SYTL2: variants seen among roughly 807,000 people sequenced by gnomAD.
The protein encoded by SYTL2 is synaptotagmin-like protein 2.
Under a neutral mutation model 198.7 loss-of-function variants are expected in SYTL2, and 165 were observed. The observed-to-expected ratio is 0.83, with a 90% CI of 0.73 to 0.94. The LOEUF (loss-of-function observed/expected upper bound fraction) is 0.94. Among genes scored for constraint, SYTL2 ranks in the 40% least tolerant of loss-of-function variants. The pLI, the probability that SYTL2 is intolerant of heterozygous loss-of-function variation, is 0.00. For synonymous variants in SYTL2, 966 were observed against 917.7 expected, an observed-to-expected ratio of 1.05 and a Z score of -0.95; for missense variants, 2,835 against 2,582.8, an observed-to-expected ratio of 1.10 and a Z score of -2.12.
At chr11:85,850,726 C>T in the SYTL2 span, among the ~76,000 whole-genome samples, 10 of 150,764 alleles carry the variant, frequency 6.6e-5, no homozygotes, top group African/African-American at 2.0e-4. Flanking sequence ...CACATGCACA[C>T]GTATGTTTAT....
chr11:85,700,285 A>G (rs1425723517), intron 17 of SYTL2, among the ~76,000 whole-genome samples: 1 of 151,612 alleles, frequency 6.6e-6, no homozygotes, highest in African/African-American at 2.4e-5. Flanking sequence ...TAAGCTGTAC[A>G]GTTAAAAATG....
At chr11:85,825,345 G>A in the SYTL2 span, among the ~76,000 whole-genome samples, 2 of 136,082 alleles carry the variant, frequency 1.5e-5, no homozygotes, top group Non-Finnish European at 1.5e-5. Context: ...CCGAGATCCC[G>A]CCACTGCACT....
intron 3 of SYTL2, among the ~76,000 whole-genome samples, chr11:85,746,886 A>G (rs1421759769): frequency 6.6e-6 from 1 of 152,208 alleles, no homozygotes; most frequent in Admixed American, 6.5e-5. Context: ...CAATTACATA[A>G]TCTCGGGCAA....
intron 1 of SYTL2, among the ~76,000 whole-genome samples, chr11:85,791,512 T>C (rs1357981759): frequency 6.6e-6 from 1 of 152,196 alleles, no homozygotes; most frequent in Non-Finnish European, 1.5e-5. Context: ...ATCTCATCCA[T>C]ATAATGAGGA....
chr11:85,700,092 T>C (rs777163394), intron 17 of SYTL2, among the ~76,000 whole-genome samples: 1 of 151,488 alleles, frequency 6.6e-6, no homozygotes, highest in East Asian at 1.9e-4. Context: ...CTAATGACTA[T>C]AAACTAAACT....
Position 85,726,135 on chromosome 11 carries a change from T to C in SYTL2, c.3223A>G (p.Arg1075Gly), listed in dbSNP as rs760235816. 4.2e-5 allele frequency: 67 copies of C among 1,614,030 alleles called. No individual in the cohort carries two copies. Among genetic ancestry groups the C allele is most frequent in the Middle Eastern group, 3.3e-4 (2 of 6,084 alleles). The stretch of plus-strand genomic sequence containing the variant: ...CCTGGCAACTGATAAGTATACTTTC[T>C]AAGTGGACTCAAAGGAAATGTGATT... ...DEITFPLSPL[R>G]KYTYQLPGNE... The change falls in exon 8 of 20, where the codon AGA becomes GGA. Residue 1075 changes from arginine to glycine, a missense_variant. Physicochemically the swap from Arg to Gly is moderately radical, Grantham distance 125 (BLOSUM62 -2). Around this residue, in one of 3 missense-constraint regions of SYTL2, gnomAD observed 2,645 missense variants for 2,381.7 expected, o/e 1.11. Coordinates refer to ENST00000359152, the MANE Select transcript of SYTL2 (RefSeq NM_206927.4).
At chr11:85,704,085 TA>T (rs1479012039) in intron 16 of SYTL2, among the ~76,000 whole-genome samples, 1 of 152,058 alleles carries the variant, frequency 6.6e-6, no homozygotes, top group Non-Finnish European at 1.5e-5. Flanking sequence ...GCAAATGGAC[TA>T]GATAATCCAA....
intron 1 of SYTL2, among the ~76,000 whole-genome samples, chr11:85,793,838 C>T (rs2092765943): frequency 6.6e-6 from 1 of 152,202 alleles, no homozygotes; most frequent in South Asian, 2.1e-4. Context: ...TGCATTTCCA[C>T]ATTGTTTTAG....
At chr11:85,707,092 G>A (rs1056925446) in intron 15 of SYTL2, among the ~76,000 whole-genome samples, 2 of 151,976 alleles carry the variant, frequency 1.3e-5, no homozygotes, top group East Asian at 1.9e-4. Context: ...CACCCACCTC[G>A]GCCTCCCAAA....
At chr11:85,778,919 G>A (rs541876560) in intron 1 of SYTL2, among the ~76,000 whole-genome samples, 6 of 152,182 alleles carry the variant, frequency 3.9e-5, no homozygotes, top group South Asian at 2.1e-4. Context: ...CAGAGGTTGC[G>A]GTGAGAGGAG....
chr11:85,816,647 C>T, the SYTL2 span, among the ~76,000 whole-genome samples: 16 of 152,134 alleles, frequency 1.1e-4, no homozygotes, highest in Non-Finnish European at 1.8e-4. Flanking sequence ...CAGTGGCTCA[C>T]GCCTGTAATA....
chr11:85,694,966 T>C lies in SYTL2; in HGVS notation c.*229A>G. ...GCAGAAATTCAATTTTCCTAGCTTG[T>C]TCAAATATCTTATTTAATATTAGAG... On this transcript the variant is annotated 3_prime_UTR_variant, in exon 20 of 20. Coordinates refer to ENST00000359152, the MANE Select transcript of SYTL2 (RefSeq NM_206927.4). 2.8e-6 allele frequency: 1 copy of C among 363,620 alleles called. No homozygotes were observed. Among genetic ancestry groups the C allele is most frequent in the Non-Finnish European group, 4.9e-6 (1 of 205,610 alleles). 22.5% of individuals were successfully genotyped at this position (363,620 alleles called of 1,614,324 possible).
At chr11:85,730,000 G>T (rs1318839469) in intron 7 of SYTL2, among the ~76,000 whole-genome samples, 1 of 152,114 alleles carries the variant, frequency 6.6e-6, no homozygotes, top group Admixed American at 6.5e-5. Flanking sequence ...TAGAAGAAAT[G>T]GATAAATTCC....
Position 85,725,976 on chromosome 11 carries a change from A to C in SYTL2, c.3382T>G (p.Cys1128Gly). Residue 1128 changes from cysteine to glycine, a missense_variant, in exon 8 of 20, where the codon TGC becomes GGC. Around this residue, in one of 3 missense-constraint regions of SYTL2, gnomAD observed 2,645 missense variants for 2,381.7 expected, o/e 1.11. Coordinates refer to ENST00000359152, the MANE Select transcript of SYTL2 (RefSeq NM_206927.4). Reference sequence around the variant, plus strand: ...AAGCTGTCATTAAAAGTGTCTTTGCAGTCTTTAGACAAAACATTGGTTTTT... The same window carrying C: ...AAGCTGTCATTAAAAGTGTCTTTGCCGTCTTTAGACAAAACATTGGTTTTT... ...IIKTNVLSKDCKDTFNDSLQK... is the reference protein window; with the variant it reads ...IIKTNVLSKDGKDTFNDSLQK... 1 of 1,614,144 alleles carries C rather than the reference A, an allele frequency of 6.2e-7. No homozygotes were observed.
chr11:85,792,132 G>A (rs984154259), intron 1 of SYTL2, among the ~76,000 whole-genome samples: 3 of 152,040 alleles, frequency 2.0e-5, no homozygotes, highest in African/African-American at 7.3e-5. Context: ...CTGCTCCAGG[G>A]AAAGCCTATT....
chr11:85,824,135 A>C, the SYTL2 span, among the ~76,000 whole-genome samples: 1 of 152,298 alleles, frequency 6.6e-6, no homozygotes, highest in African/African-American at 2.4e-5. Context: ...GATGTGGTTA[A>C]AACAGTCTAA....
chr11:85,725,296 C>G lies in SYTL2; in HGVS notation c.4062G>C (p.Glu1354Asp). Residue 1354 changes from glutamate to aspartate, a missense_variant, in exon 8 of 20, where the codon GAG (glutamate) becomes GAC (aspartate). Coordinates refer to ENST00000359152, the MANE Select transcript of SYTL2 (RefSeq NM_206927.4). The part of the protein sequence containing the change: ...RVHPSQTEIS[E>D]TVEKVILPPR... ...GTGGAAGAATGACTTTCTCTACAGT[C>G]TCCGAAATTTCCGTTTGAGAAGGGT... The G allele has an allele frequency of 6.2e-7, 1 of 1,614,120 alleles. No individual in the cohort carries two copies. Among genetic ancestry groups the G allele is most frequent in the South Asian group, 1.1e-5 (1 of 91,076 alleles).
the SYTL2 span, among the ~76,000 whole-genome samples, chr11:85,848,183 C>T: frequency 4.0e-4 from 60 of 151,758 alleles, no homozygotes; most frequent in East Asian, 4.6e-3. Flanking sequence ...GAGGCTACAA[C>T]GAGCCATTTC....
At chr11:85,796,721 C>A (rs1218819157) in intron 1 of SYTL2, among the ~76,000 whole-genome samples, 1 of 152,230 alleles carries the variant, frequency 6.6e-6, no homozygotes, top group African/African-American at 2.4e-5. Context: ...TGTTTCCCCA[C>A]AATCTATACA....
Sources: allele counts gnomAD v4.1 joint callset (sites outside exome capture counted in the v4.1 genomes callset), GRCh38; gene constraint gnomAD v4.1.1; regional missense constraint gnomAD v4.1.1; transcripts MANE v1.5; gene names NCBI Gene and HGNC (gene_info 2026-07-23, HGNC 2026-07-21).